The following ATOSB variants were observed in gnomAD, a reference collection of about 807,000 sequenced individuals.
The protein encoded by ATOSB is atos homolog protein B.
the ATOSB span, chr9:35,106,582 C>T: frequency 1.9e-6 from 3 of 1,570,058 alleles, no homozygotes; most frequent in Non-Finnish European, 1.7e-6. The surrounding 1 kb of genome is among the most constrained non-coding windows in gnomAD (Gnocchi z 4.6). Context: ...GGGGTAGGAA[C>T]AGGGGAGGCA....
At chr9:35,105,158 T>A in the ATOSB span, 10 of 1,519,720 alleles carry the variant, frequency 6.6e-6, no homozygotes, top group Non-Finnish European at 8.9e-6. The surrounding 1 kb of genome is among the most constrained non-coding windows in gnomAD (Gnocchi z 5.5). Flanking sequence ...TCTCCATATA[T>A]GTTCTCTAAG....
the ATOSB span, chr9:35,106,420 G>A: frequency 1.2e-5 from 19 of 1,614,160 alleles, no homozygotes; most frequent in East Asian, 4.0e-4. The surrounding 1 kb of genome is among the most constrained non-coding windows in gnomAD (Gnocchi z 4.6). Context: ...CCTGGGATTA[G>A]GGTAGGGAAA....
At chr9:35,105,587 T>C in the ATOSB span, 8 of 1,331,748 alleles carry the variant, frequency 6.0e-6, no homozygotes, top group Non-Finnish European at 8.2e-6. This position sits in a 1 kb window ranked among gnomAD's most constrained non-coding sequence, Gnocchi z 5.5. Flanking sequence ...AAAAATAAAC[T>C]AAGCAAGAAT....
the ATOSB span, chr9:35,106,252 C>T: frequency 6.2e-7 from 1 of 1,613,446 alleles, no homozygotes; most frequent in Non-Finnish European, 8.5e-7. The surrounding 1 kb of genome is among the most constrained non-coding windows in gnomAD (Gnocchi z 4.6). Context: ...CAAGGCATAC[C>T]AGGAAGGGAG....
At chr9:35,113,795 G>A in the ATOSB span, among the ~76,000 whole-genome samples, 2 of 151,784 alleles carry the variant, frequency 1.3e-5, no homozygotes, top group Non-Finnish European at 2.9e-5. Flanking sequence ...TAGAATGGAA[G>A]CTCCATGAGA....
the ATOSB span, chr9:35,106,841 G>A: frequency 6.4e-7 from 1 of 1,569,788 alleles, no homozygotes; most frequent in Non-Finnish European, 8.6e-7. The surrounding 1 kb of genome is among the most constrained non-coding windows in gnomAD (Gnocchi z 4.6). Context: ...ACAGCTTCAG[G>A]CGACGGGCTC....
At chr9:35,114,100 A>G in the ATOSB span, among the ~76,000 whole-genome samples, 1 of 152,348 alleles carries the variant, frequency 6.6e-6, no homozygotes, top group Admixed American at 6.5e-5. Flanking sequence ...ATCAGAGGAT[A>G]GCTCCAGGCA....
At chr9:35,105,466 A>C in the ATOSB span, 1 of 1,465,502 alleles carries the variant, frequency 6.8e-7, no homozygotes, top group African/African-American at 1.4e-5. The surrounding 1 kb of genome is among the most constrained non-coding windows in gnomAD (Gnocchi z 5.5). Flanking sequence ...CCCAGGTGGG[A>C]GGACTGCTTG....
chr9:35,110,355 G>A, the ATOSB span: 2 of 152,458 alleles, frequency 1.3e-5, no homozygotes, highest in South Asian at 4.1e-4. Flanking sequence ...CCACTTCCAG[G>A]TCATCCCAGT....
chr9:35,105,179 A>G, the ATOSB span: 1 of 1,577,752 alleles, frequency 6.3e-7, no homozygotes, highest in Non-Finnish European at 8.6e-7. The surrounding 1 kb of genome is among the most constrained non-coding windows in gnomAD (Gnocchi z 5.5). Context: ...ATGGAGCAGG[A>G]TGGGCAGGTC....
At chr9:35,108,270 C>A in the ATOSB span, 1 of 1,545,306 alleles carries the variant, frequency 6.5e-7, no homozygotes, top group Non-Finnish European at 8.7e-7. Flanking sequence ...CTGCACGTGG[C>A]GCATGAAGCC....
the ATOSB span, chr9:35,105,526 T>C: frequency 8.8e-7 from 1 of 1,134,884 alleles, no homozygotes; most frequent in Non-Finnish European, 1.2e-6. This position sits in a 1 kb window ranked among gnomAD's most constrained non-coding sequence, Gnocchi z 5.5. Context: ...ACCCCATCTC[T>C]AAAAATAAAT....
chr9:35,105,232 G>C, the ATOSB span: 1 of 1,613,120 alleles, frequency 6.2e-7, no homozygotes, highest in Admixed American at 1.7e-5. The surrounding 1 kb of genome is among the most constrained non-coding windows in gnomAD (Gnocchi z 5.5). Context: ...CAGGGCAAAG[G>C]TGAATAACGT....
the ATOSB span, among the ~76,000 whole-genome samples, chr9:35,111,987 C>T: frequency 6.6e-6 from 1 of 152,196 alleles, no homozygotes; most frequent in Non-Finnish European, 1.5e-5. Context: ...CCCTCAAAGT[C>T]TGCCTGCTGT....
At chr9:35,107,034 T>G in the ATOSB span, 9 of 768,098 alleles carry the variant, frequency 1.2e-5, no homozygotes, top group South Asian at 1.6e-4. Flanking sequence ...TAAGAGTACA[T>G]GAAGGACAGG....
chr9:35,113,623 G>A, the ATOSB span, among the ~76,000 whole-genome samples: 1 of 134,810 alleles, frequency 7.4e-6, no homozygotes, highest in Admixed American at 8.6e-5. Context: ...GTGAGACTCC[G>A]TCTCAAAAAT....
chr9:35,115,071 G>C, the ATOSB span, among the ~76,000 whole-genome samples: 3 of 152,008 alleles, frequency 2.0e-5, no homozygotes, highest in Non-Finnish European at 4.4e-5. Flanking sequence ...CAGAGACCAA[G>C]GCCGGCTCTG....
chr9:35,108,298 G>A, the ATOSB span: 3 of 1,521,060 alleles, frequency 2.0e-6, no homozygotes, highest in Non-Finnish European at 2.6e-6. Flanking sequence ...GGTCAGGGGG[G>A]CCCCCCAACA....
the ATOSB span, chr9:35,107,330 A>C: frequency 6.5e-7 from 1 of 1,527,474 alleles, no homozygotes; most frequent in Non-Finnish European, 8.7e-7. Context: ...AAAAAAAAAA[A>C]AAAAAAAAAA....
Sources: allele counts gnomAD v4.1 joint callset (sites outside exome capture counted in the v4.1 genomes callset), GRCh38; gene constraint gnomAD v4.1.1; non-coding constraint Gnocchi (gnomAD v3.1); transcripts MANE v1.5; gene names NCBI Gene and HGNC (gene_info 2026-07-23, HGNC 2026-07-21).